Variants in SLC30A8 observed in about 807,000 individuals in gnomAD.
The protein encoded by SLC30A8 is proton-coupled zinc antiporter SLC30A8.
A neutral mutation model predicts 36.9 loss-of-function variants in SLC30A8; 27 were observed. That is an observed-to-expected ratio of 0.73 (90% CI 0.54 to 1.01). SLC30A8 has a LOEUF of 1.01. Among genes scored for constraint, SLC30A8 ranks in the 50% least tolerant of loss-of-function variants. The probability of loss-of-function intolerance (pLI) is 0.00; values close to 1 mark genes in which losing one functional copy is unlikely to be tolerated. For synonymous variants in SLC30A8, 164 were observed against 172.4 expected (o/e 0.95, Z 0.38); for missense variants, 439 against 452.0 (o/e 0.97, Z 0.26).
At chr8:117,161,940 A>G (rs746781505) in intron 5 of SLC30A8, 52 bp downstream of exon 5, 3 of 1,486,138 alleles carry the variant, frequency 2.0e-6, no homozygotes, top group Non-Finnish European at 2.7e-6. Context: ...TAGGTAGTAC[A>G]GAAGCTGACC....
chr8:117,036,650 T>TC (rs1817223017), intron 1 of SLC30A8, among the ~76,000 whole-genome samples: 3 of 151,954 alleles, frequency 2.0e-5, no homozygotes, highest in Non-Finnish European at 4.4e-5. Flanking sequence ...GTCAAACACT[T>TC]ATAAAACCAT....
chr8:116,954,488 G>A (rs1036505758), intron 1 of SLC30A8, among the ~76,000 whole-genome samples: 1 of 152,114 alleles, frequency 6.6e-6, no homozygotes, highest in African/African-American at 2.4e-5. Flanking sequence ...AGAGTATGGT[G>A]TCAAAGAAAA....
chr8:117,163,382 A>T (rs1822890853), intron 5 of SLC30A8, 43 bp from the exon 6 acceptor site: 2 of 1,403,524 alleles, frequency 1.4e-6, no homozygotes, highest in Non-Finnish European at 2.0e-6. Context: ...TCTGAAAGAG[A>T]GGTATGAATT....
chr8:117,135,254 G>A lies in SLC30A8; in HGVS notation c.-74G>A. On this transcript the variant is annotated 5_prime_UTR_variant, in exon 1 of 8. Coordinates refer to ENST00000456015, the MANE Select transcript of SLC30A8 (RefSeq NM_173851.3). ...TAGAAAGTGTATAAATAATTGCAGT[G>A]CTGCTTTGCTTCCAAAACTGGGCAG... is the stretch of plus-strand genomic sequence containing the variant. 3.8e-6 allele frequency: 4 copies of A among 1,054,208 alleles called. No individual in the cohort carries two copies. The highest frequency in any genetic ancestry group is 5.6e-6 in the Non-Finnish European group (4 of 717,794). 65.3% of individuals were successfully genotyped at this position (1,054,208 alleles called of 1,614,324 possible).
chr8:117,012,140 T>C (rs1816363244), intron 1 of SLC30A8, among the ~76,000 whole-genome samples: 1 of 152,218 alleles, frequency 6.6e-6, no homozygotes, highest in Admixed American at 6.5e-5. Context: ...AAACTCATTT[T>C]GTATTTAGCA....
At position 117,114,202 on chromosome 8, in the gene SLC30A8, CCTA is replaced by C. The variant is rs139674002; in HGVS notation, c.-225-21075_-225-21073del. Among the ~76,000 whole-genome samples, 161 of 152,212 alleles carry C rather than the reference CCTA, an allele frequency of 1.1e-3. 3 individuals carry two copies. In the East Asian group the frequency reaches 0.029, roughly 28 times the overall value. ...TATTGTTTCTCCAGGAAAGGGCTGTCCTACTGCTTGTCTACATTTAGGAATAAT... is the reference window on the plus strand; with the variant it reads ...TATTGTTTCTCCAGGAAAGGGCTGTCCTGCTTGTCTACATTTAGGAATAAT... On this transcript the variant is annotated intron_variant, in intron 2 of 10. Coordinates refer to the SLC30A8 transcript ENST00000427715.
chr8:117,169,662 G>C (rs1417183608), intron 6 of SLC30A8, among the ~76,000 whole-genome samples: 1 of 152,104 alleles, frequency 6.6e-6, no homozygotes, highest in Non-Finnish European at 1.5e-5. Flanking sequence ...AAGCATGGTG[G>C]CATTTGCTTC....
intron 2 of SLC30A8, among the ~76,000 whole-genome samples, chr8:117,043,554 GTCAGATTTCAGAATAAC>G (rs1285017611): frequency 6.6e-6 from 1 of 152,194 alleles, no homozygotes; most frequent in African/African-American, 2.4e-5. Flanking sequence ...TAAAGATAGG[GTCAGATTTCAGAATAAC>G]TTGACTATAA....
rs1052609247 is a variant in SLC30A8 at position 117,174,509 on chromosome 8, A to G, written c.*1828A>G. The G allele has an allele frequency of 2.0e-5, 3 of 152,512 alleles. No individual in the cohort carries two copies. Among genetic ancestry groups the G allele is most frequent in the African/African-American group, 7.2e-5 (3 of 41,436 alleles). 9.4% of individuals were successfully genotyped at this position (152,512 alleles called of 1,614,324 possible). A position where few individuals can be genotyped will look rare whatever the true frequency, so the allele number is the denominator to read the frequency against. ...AGGATTAGAGCTGCTCAGGTTCCCAACGTCTCCTGCCACATCGGGTTCTCA... is the reference window on the plus strand; with the variant it reads ...AGGATTAGAGCTGCTCAGGTTCCCAGCGTCTCCTGCCACATCGGGTTCTCA... On this transcript the variant is annotated 3_prime_UTR_variant, in exon 8 of 8. Coordinates refer to ENST00000456015, the MANE Select transcript of SLC30A8 (RefSeq NM_173851.3).
intron 2 of SLC30A8, among the ~76,000 whole-genome samples, chr8:117,079,835 A>G (rs558995315): frequency 7.9e-5 from 12 of 152,222 alleles, no homozygotes; most frequent in Non-Finnish European, 1.3e-4. Context: ...ATAATTTTGA[A>G]TTCCCCGTTG....
chr8:117,052,089 C>T (rs1817727809), intron 2 of SLC30A8, among the ~76,000 whole-genome samples: 3 of 152,194 alleles, frequency 2.0e-5, no homozygotes, highest in Admixed American at 6.5e-5. Context: ...CGGCTCTCTG[C>T]AACCTCTGCC....
chr8:117,121,560 T>C (rs1373150611), intron 2 of SLC30A8, among the ~76,000 whole-genome samples: 1 of 151,906 alleles, frequency 6.6e-6, no homozygotes, highest in Admixed American at 6.6e-5. Flanking sequence ...ATCTCATTCA[T>C]GAGGACTCTG....
At chr8:116,982,193 G>A (rs1189333283) in intron 1 of SLC30A8, among the ~76,000 whole-genome samples, 1 of 151,348 alleles carries the variant, frequency 6.6e-6, no homozygotes, top group Non-Finnish European at 1.5e-5. Context: ...TCTTTCATAT[G>A]CTTAATGTCA....
At chr8:117,086,344 A>C (rs975012634) in intron 2 of SLC30A8, among the ~76,000 whole-genome samples, 4 of 152,214 alleles carry the variant, frequency 2.6e-5, no homozygotes, top group African/African-American at 7.2e-5. Flanking sequence ...GGACTATGTC[A>C]CTTGTAACAT....
Position 117,044,579 on chromosome 8 carries a change from A to G in SLC30A8, c.-226+5321A>G, listed in dbSNP as rs140262368. Among the ~76,000 whole-genome samples, 254 of 152,342 alleles carry G rather than the reference A, an allele frequency of 1.7e-3. 1 individual carries two copies. The highest frequency in any genetic ancestry group is 5.8e-3 in the African/African-American group (243 of 41,588). ...GCGTGTCAGCGGGTTGACAGAGCAC[A>G]AGCATTGCTTCTAGAGCAAATATTG... On this transcript the variant is annotated intron_variant, in intron 2 of 10. Transcript: ENST00000427715.
intron 2 of SLC30A8, among the ~76,000 whole-genome samples, chr8:117,046,942 A>C (rs1429576185): frequency 1.3e-5 from 2 of 152,320 alleles, no homozygotes; most frequent in Non-Finnish European, 2.9e-5. Context: ...AAAGAGAAGA[A>C]TTTGATTGGC....
chr8:117,167,323 A>G (rs1461317356), intron 6 of SLC30A8, among the ~76,000 whole-genome samples: 1 of 152,154 alleles, frequency 6.6e-6, no homozygotes, highest in Non-Finnish European at 1.5e-5. Context: ...CTATGTTAGT[A>G]TAGTACTTAG....
intron 1 of SLC30A8, among the ~76,000 whole-genome samples, chr8:117,005,589 C>G (rs943258423): frequency 4.6e-5 from 7 of 152,148 alleles, no homozygotes; most frequent in African/African-American, 7.2e-5. Context: ...TGGGTGTATA[C>G]CTATGTGGAA....
intron 1 of SLC30A8, among the ~76,000 whole-genome samples, chr8:117,006,154 C>G (rs570960285): frequency 6.6e-6 from 1 of 152,298 alleles, no homozygotes; most frequent in African/African-American, 2.4e-5. Context: ...CTCAGGAACT[C>G]TAAGCGAATA....
Sources: allele counts gnomAD v4.1 joint callset (sites outside exome capture counted in the v4.1 genomes callset), GRCh38; gene constraint gnomAD v4.1.1; transcripts MANE v1.5; gene names NCBI Gene and HGNC (gene_info 2026-07-23, HGNC 2026-07-21).